Variants in FTCDNL1 observed in about 807,000 individuals in gnomAD.
FTCDNL1 encodes the protein formiminotransferase cyclodeaminase N-terminal like.
FTCDNL1 carries 11 observed loss-of-function variants against 5.9 expected under a neutral mutation model. The ratio of observed to expected loss-of-function variants is 1.87; its 90% CI spans 1.18 to 3.10. The LOEUF is 3.10. Among genes scored for constraint, FTCDNL1 ranks in the 30% most tolerant of loss-of-function variants. The probability of loss-of-function intolerance (pLI) is 0.00; values close to 1 mark genes in which losing one functional copy is unlikely to be tolerated. For missense variants in FTCDNL1, 115 were observed against 65.5 expected, an observed-to-expected ratio of 1.76 and a Z score of -2.61; for synonymous variants, 58 against 24.8, an observed-to-expected ratio of 2.34 and a Z score of -3.99.
At chr2:199,675,551 G>T in the FTCDNL1 span, among the ~76,000 whole-genome samples, 1 of 152,062 alleles carries the variant, frequency 6.6e-6, no homozygotes, top group Non-Finnish European at 1.5e-5. Context: ...AATAGAAATT[G>T]ATTTTTTTTT....
chr2:199,760,515 C>A, downstream of FTCDNL1: 1 of 362,698 alleles, frequency 2.8e-6, no homozygotes, highest in Non-Finnish European at 5.2e-6. Flanking sequence ...GAGGGTGAGT[C>A]AGTCCAATTT....
intron 3 of FTCDNL1, among the ~76,000 whole-genome samples, chr2:199,802,184 CA>C (rs71403490): frequency 0.075 from 11,432 of 152,220 alleles, 549 homozygotes; most frequent in Middle Eastern, 0.14. Flanking sequence ...CGAAATCATA[CA>C]ACCATGTAAG....
chr2:199,733,290 T>C, the FTCDNL1 span, among the ~76,000 whole-genome samples: 25 of 152,182 alleles, frequency 1.6e-4, no homozygotes, highest in Non-Finnish European at 1.5e-5. Flanking sequence ...AAAGGAATTA[T>C]ATATTTAGGC....
At chr2:199,833,192 G>A (rs59814607) in intron 3 of FTCDNL1, among the ~76,000 whole-genome samples, 9 of 152,168 alleles carry the variant, frequency 5.9e-5, no homozygotes, top group African/African-American at 2.2e-4. Flanking sequence ...AGCTGGTCTG[G>A]AACTCCTGAG....
the FTCDNL1 span, among the ~76,000 whole-genome samples, chr2:199,683,144 C>T: frequency 6.6e-6 from 1 of 152,164 alleles, no homozygotes; most frequent in Admixed American, 6.5e-5. Context: ...AGATATGATG[C>T]ATCATCATCT....
At chr2:199,694,985 C>A in the FTCDNL1 span, among the ~76,000 whole-genome samples, 40 of 152,212 alleles carry the variant, frequency 2.6e-4, no homozygotes, top group Non-Finnish European at 5.0e-4. Flanking sequence ...ATCTGTTTCA[C>A]ATATCTTCTA....
the FTCDNL1 span, among the ~76,000 whole-genome samples, chr2:199,685,275 A>T: frequency 6.6e-6 from 1 of 152,198 alleles, no homozygotes; most frequent in African/African-American, 2.4e-5. Context: ...CACATGGATC[A>T]CCCTTCTTGT....
the FTCDNL1 span, among the ~76,000 whole-genome samples, chr2:199,750,512 C>T: frequency 6.6e-6 from 1 of 152,084 alleles, no homozygotes. Context: ...TTATTTTTGC[C>T]CCCTTCCCAC....
chr2:199,699,441 G>A, the FTCDNL1 span, among the ~76,000 whole-genome samples: 2 of 151,926 alleles, frequency 1.3e-5, no homozygotes, highest in Non-Finnish European at 2.9e-5. Flanking sequence ...GTGTTAGAGT[G>A]AGACCCTGTC....
At chr2:199,739,699 T>G in the FTCDNL1 span, among the ~76,000 whole-genome samples, 1 of 152,224 alleles carries the variant, frequency 6.6e-6, no homozygotes, top group South Asian at 2.1e-4. Context: ...AGAGTGATTT[T>G]CAGTTACTCT....
chr2:199,691,982 T>C, the FTCDNL1 span, among the ~76,000 whole-genome samples: 1 of 152,238 alleles, frequency 6.6e-6, no homozygotes, highest in South Asian at 2.1e-4. Context: ...TTAAAATAGC[T>C]TCTATTAAAA....
chr2:199,844,553 A>G, intron 3 of FTCDNL1: 1 of 509,942 alleles, frequency 2.0e-6, no homozygotes. Context: ...AAAATTGTGA[A>G]AAACAATCAT....
At chr2:199,829,266 C>T (rs1426046993) in intron 3 of FTCDNL1, among the ~76,000 whole-genome samples, 4 of 152,138 alleles carry the variant, frequency 2.6e-5, no homozygotes, top group South Asian at 2.1e-4. Flanking sequence ...TTTCTCTGGT[C>T]GTATTCTAAA....
chr2:199,713,860 T>C, the FTCDNL1 span, among the ~76,000 whole-genome samples: 15,633 of 152,262 alleles, frequency 0.1, 1,090 homozygotes, highest in Middle Eastern at 0.24. Flanking sequence ...ACATAATTGA[T>C]CATGCACAAG....
At chr2:199,750,355 CTAAATAAATAAA>C in the FTCDNL1 span, among the ~76,000 whole-genome samples, 134 of 148,734 alleles carry the variant, frequency 9.0e-4, no homozygotes, top group Non-Finnish European at 1.6e-3. Context: ...GAAATGTTGT[CTAAATAAATAAA>C]TAAATAAATA....
At chr2:199,728,260 T>G in the FTCDNL1 span, among the ~76,000 whole-genome samples, 1 of 152,148 alleles carries the variant, frequency 6.6e-6, no homozygotes, top group African/African-American at 2.4e-5. Context: ...ACTTTTTTTT[T>G]TTTTTGAGAC....
At chr2:199,784,573 A>C (rs531370314) in intron 3 of FTCDNL1, among the ~76,000 whole-genome samples, 1 of 152,290 alleles carries the variant, frequency 6.6e-6, no homozygotes, top group Non-Finnish European at 1.5e-5. Flanking sequence ...GGGAAGCAGG[A>C]TTGGGCAGAG....
chr2:199,684,035 AC>A, the FTCDNL1 span, among the ~76,000 whole-genome samples: 2 of 152,236 alleles, frequency 1.3e-5, no homozygotes, highest in African/African-American at 4.8e-5. Flanking sequence ...TGTGTGCTTA[AC>A]AAATACCATC....
chr2:199,810,050 T>C lies in FTCDNL1; in HGVS notation c.*2655A>G, dbSNP rs1574580325. Among the ~76,000 whole-genome samples, 1 of 152,174 alleles carries C rather than the reference T, an allele frequency of 6.6e-6. No individual in the cohort carries two copies. The highest frequency in any genetic ancestry group is 1.9e-4 in the East Asian group (1 of 5,172). ...ACTATCCGAAGGATTTTTTTTTTCC[T>C]AAAAGAGCTCGAACTTTCCAAAATA... On this transcript the variant is annotated 3_prime_UTR_variant, in exon 5 of 5. Transcript: ENST00000420128.
Sources: gnomAD v4.1 joint callset for allele counts (sites outside exome capture counted in the v4.1 genomes callset) on GRCh38, gnomAD v4.1.1 for gene constraint, MANE v1.5 for transcripts, NCBI Gene and HGNC (gene_info 2026-07-23, HGNC 2026-07-21) for gene names.